Variants in VPS13B observed in about 807,000 individuals in gnomAD.
VPS13B encodes the protein intermembrane lipid transfer protein VPS13B.
In VPS13B, 285 loss-of-function variants were observed where a neutral mutation model predicts 426.4. The ratio of observed to expected loss-of-function variants is 0.67; its 90% CI spans 0.61 to 0.74. The LOEUF (loss-of-function observed/expected upper bound fraction) is 0.74, where lower values mean the gene tolerates loss of function less well. Among genes scored for constraint, VPS13B ranks in the 30% least tolerant of loss-of-function variants. The pLI is 0.00. For missense variants in VPS13B, 4,537 were observed against 4,782.6 expected (o/e 0.95, Z 1.51); for synonymous variants, 1,676 against 1,676.4 (o/e 1.00, Z 0.01).
intron 58 of VPS13B, among the ~76,000 whole-genome samples, chr8:99,864,108 A>T (rs1036787967): frequency 3.3e-5 from 5 of 152,352 alleles, no homozygotes; most frequent in African/African-American, 1.2e-4. Context: ...TGGCAAGAAG[A>T]ACAAAGAGCG....
intron 12 of VPS13B, among the ~76,000 whole-genome samples, chr8:99,137,250 CTT>C (rs79136090): frequency 2.0e-5 from 3 of 148,534 alleles, no homozygotes; most frequent in Admixed American, 2.0e-4. Context: ...CATTTCAACA[CTT>C]TTTTTTTTAC....
chr8:99,124,624 T>C (rs1055131649), intron 8 of VPS13B, among the ~76,000 whole-genome samples: 5 of 152,030 alleles, frequency 3.3e-5, no homozygotes, highest in Non-Finnish European at 7.4e-5. Flanking sequence ...TGGTGGCTCA[T>C]GCGTATAATC....
chr8:99,063,016 T>G (rs963915348), intron 3 of VPS13B, among the ~76,000 whole-genome samples: 18 of 148,190 alleles, frequency 1.2e-4, no homozygotes, highest in Middle Eastern at 6.8e-3. Flanking sequence ...GCAGGATGCA[T>G]TTTTTTAGGA....
rs763157781 is a variant in VPS13B at position 99,502,933 on chromosome 8, T to A, written c.4140T>A (p.Ile1380=). The A allele has an allele frequency of 1.2e-6, 2 of 1,607,278 alleles. No individual in the cohort carries two copies. The highest frequency in any genetic ancestry group is 1.7e-6 in the Non-Finnish European group (2 of 1,174,374). The change falls in exon 27 of 62, where the codon ATT becomes ATA. Residue 1380 remains isoleucine (I), a synonymous_variant. Transcript: ENST00000357162. ...AATGTAAAATAGAGAGTTTCAATAT[T>A]GATCACTATAGAAGCAGGTAAATAA... The part of the protein sequence containing the change: ...KVKCKIESFN[I]DHYRSRPGEG...
intron 17 of VPS13B, among the ~76,000 whole-genome samples, chr8:99,226,397 G>A (rs1445148049): frequency 6.6e-6 from 1 of 152,066 alleles, no homozygotes; most frequent in Non-Finnish European, 1.5e-5. Context: ...TCTTGTGCCA[G>A]TTATATAGTA....
At chr8:99,632,534 G>A (rs1347064144) in intron 33 of VPS13B, among the ~76,000 whole-genome samples, 3 of 151,962 alleles carry the variant, frequency 2.0e-5, no homozygotes, top group Non-Finnish European at 4.4e-5. Flanking sequence ...ACCTGATTTA[G>A]AGAATACTTT....
chr8:99,304,755 G>C (rs963041505), intron 19 of VPS13B, among the ~76,000 whole-genome samples: 1 of 152,070 alleles, frequency 6.6e-6, no homozygotes, highest in Non-Finnish European at 1.5e-5. Context: ...AAACGTTTCT[G>C]TTCTCTCATT....
Position 99,233,700 on chromosome 8 carries a change from A to G in VPS13B, c.2516-40498A>G, listed in dbSNP as rs527844654. 2.4e-5 allele frequency: 19 copies of G among 790,094 alleles called. No homozygotes were observed. The East Asian group carries it at 3.9e-4, about 16-fold the overall frequency. The allele number at this position is 790,094 out of a possible 1,614,324, so 48.9% of individuals were successfully genotyped here. On this transcript the variant is annotated intron_variant, in intron 17 of 61. Transcript: ENST00000357162. Reference sequence around the variant, plus strand: ...GTTCTTTCCGGGTTGCATATGCTCAAATCCTGCAAGGATGAGATTGTTATC... The same window carrying G: ...GTTCTTTCCGGGTTGCATATGCTCAGATCCTGCAAGGATGAGATTGTTATC...
chr8:99,438,034 C>CTTTTT (rs746500253), intron 22 of VPS13B, among the ~76,000 whole-genome samples: 54 of 120,602 alleles, frequency 4.5e-4, no homozygotes, highest in East Asian at 2.2e-3. Flanking sequence ...TTCTTTTCCT[C>CTTTTT]TTTTTTTTTT....
chr8:99,446,366 A>C (rs1817921033), intron 23 of VPS13B, among the ~76,000 whole-genome samples: 1 of 151,756 alleles, frequency 6.6e-6, no homozygotes, highest in Admixed American at 6.6e-5. Context: ...ATGTCATTTC[A>C]TGTTTCCTTG....
At chr8:99,459,236 G>T (rs567584830) in intron 23 of VPS13B, among the ~76,000 whole-genome samples, 1 of 152,132 alleles carries the variant, frequency 6.6e-6, no homozygotes, top group Non-Finnish European at 1.5e-5. Flanking sequence ...TGCCAGTTAC[G>T]TTGAGTTGGT....
intron 17 of VPS13B, among the ~76,000 whole-genome samples, chr8:99,268,150 GA>G (rs748799423): frequency 2.0e-5 from 3 of 152,194 alleles, no homozygotes; most frequent in Non-Finnish European, 2.9e-5. Flanking sequence ...AGGATGTGTG[GA>G]AATGCCTGGA....
At chr8:99,648,858 G>T (rs1829695459) in intron 34 of VPS13B, among the ~76,000 whole-genome samples, 1 of 151,506 alleles carries the variant, frequency 6.6e-6, no homozygotes, top group Admixed American at 6.6e-5. Context: ...CCCTCTGGTA[G>T]ATTTTTCTTC....
chr8:99,373,167 T>C (rs1311221081), intron 19 of VPS13B, among the ~76,000 whole-genome samples: 5 of 151,126 alleles, frequency 3.3e-5, no homozygotes, highest in African/African-American at 1.2e-4. Context: ...TGTTGGGAGG[T>C]GGGGGGCAAT....
intron 33 of VPS13B, among the ~76,000 whole-genome samples, chr8:99,634,331 A>G (rs1828986183): frequency 1.3e-5 from 2 of 152,054 alleles, no homozygotes; most frequent in Non-Finnish European, 1.5e-5. Flanking sequence ...AAATTAGAAC[A>G]ATAGACCAAA....
intron 17 of VPS13B, among the ~76,000 whole-genome samples, chr8:99,235,937 G>A (rs570349461): frequency 5.3e-4 from 81 of 152,284 alleles, no homozygotes; most frequent in Middle Eastern, 3.4e-3. Context: ...AAATAGAATA[G>A]TGTCTACTGG....
At position 99,861,872 on chromosome 8, in the gene VPS13B, G is replaced by A. The variant is rs386834060; in HGVS notation, c.11141G>A (p.Trp3714Ter). 1 of 1,596,178 alleles carries A rather than the reference G, an allele frequency of 6.3e-7. No homozygotes were observed. Among genetic ancestry groups the A allele is most frequent in the Non-Finnish European group, 8.5e-7 (1 of 1,172,074 alleles). Reference sequence around the variant, plus strand: ...GAGCACTACAACCGGCAGGAGGAGTGGCGGCGGCAGCTCCCCGAGAGCCTG... The same window carrying A: ...GAGCACTACAACCGGCAGGAGGAGTAGCGGCGGCAGCTCCCCGAGAGCCTG... The part of the protein sequence containing the change: ...DEEHYNRQEE[W>*]RRQLPESLGE... Residue 3714 changes from tryptophan to a stop codon, truncating the protein, a stop_gained, in exon 58 of 62, where the codon TGG becomes TAG. Transcript: ENST00000357162. LOFTEE classifies it high-confidence loss of function.
At chr8:99,065,704 G>C (rs1844454933) in intron 3 of VPS13B, among the ~76,000 whole-genome samples, 1 of 152,182 alleles carries the variant, frequency 6.6e-6, no homozygotes, top group Non-Finnish European at 1.5e-5. Flanking sequence ...TAGGAAAAGA[G>C]GAAGTCAAAT....
intron 2 of VPS13B, among the ~76,000 whole-genome samples, chr8:99,033,324 TAA>T (rs1207713702): frequency 2.0e-5 from 3 of 152,226 alleles, no homozygotes; most frequent in African/African-American, 4.8e-5. Context: ...GTTAATCTAC[TAA>T]AAGTTTCCTT....
Sources: gnomAD v4.1 joint callset for allele counts (sites outside exome capture counted in the v4.1 genomes callset) on GRCh38, gnomAD v4.1.1 for gene constraint, MANE v1.5 for transcripts, NCBI Gene and HGNC (gene_info 2026-07-23, HGNC 2026-07-21) for gene names.